IRAG1: variants seen among roughly 807,000 people sequenced by gnomAD.
The protein encoded by IRAG1 is inositol 1,4,5-triphosphate receptor associated 1.
IRAG1 carries 62 observed loss-of-function variants against 106.2 expected under a neutral mutation model. That is an observed-to-expected ratio of 0.58 (90% CI 0.48 to 0.72). IRAG1 has a LOEUF of 0.72. Among genes scored for constraint, IRAG1 ranks in the 30% least tolerant of loss-of-function variants. The pLI, the probability that IRAG1 is intolerant of heterozygous loss-of-function variation, is 0.00. For missense variants in IRAG1, 1,064 were observed against 1,140.7 expected, an observed-to-expected ratio of 0.93 and a Z score of 0.97; for synonymous variants, 462 against 443.9, an observed-to-expected ratio of 1.04 and a Z score of -0.51.
At chr11:10,587,417 C>G (rs1242787061) in intron 18 of IRAG1, among the ~76,000 whole-genome samples, 1 of 152,072 alleles carries the variant, frequency 6.6e-6, no homozygotes, top group Non-Finnish European at 1.5e-5. Flanking sequence ...TTCCTTACTC[C>G]GTGTTACTCA....
At chr11:10,615,097 C>A (rs1855291916) in intron 10 of IRAG1, among the ~76,000 whole-genome samples, 2 of 152,148 alleles carry the variant, frequency 1.3e-5, no homozygotes, top group Admixed American at 1.3e-4. Context: ...AGGAAAAAAA[C>A]AACCCCATCA....
chr11:10,653,906 C>T (rs1438155657), intron 1 of IRAG1, among the ~76,000 whole-genome samples: 1 of 152,182 alleles, frequency 6.6e-6, no homozygotes, highest in Non-Finnish European at 1.5e-5. Context: ...GGTTCTGCAA[C>T]TTTTAGAGAT....
intron 1 of IRAG1, among the ~76,000 whole-genome samples, chr11:10,689,218 C>T (rs1861879663): frequency 6.6e-6 from 1 of 151,946 alleles, no homozygotes; most frequent in African/African-American, 2.4e-5. Flanking sequence ...GGGAAACAAA[C>T]AGAAAGATGG....
rs1263721831 is a variant in IRAG1, at chr11:10,593,572, C to A, written c.2095G>T (p.Ala699Ser). ...KNMPRRRVSV[A>S]VVPKFNALNL... ...AGGGCATTAAACTTAGGAACCACAG[C>A]AACGCTGACCCTCCGGCGAGGCATA... The change falls in exon 17 of 21, where the codon GCT (alanine) becomes TCT (serine). Residue 699 changes from alanine (A) to serine (S), a missense_variant. Physicochemically the swap from Ala to Ser is moderately conservative, Grantham distance 99 (BLOSUM62 1). Coordinates refer to ENST00000423302, the MANE Select transcript of IRAG1 (RefSeq NM_130385.4). 2 of 1,613,704 alleles carry A rather than the reference C, an allele frequency of 1.2e-6. No individual in the cohort carries two copies.
At chr11:10,602,987 A>G (rs1854161416) in intron 14 of IRAG1, 133 bp downstream of exon 14, 11 of 1,005,168 alleles carry the variant, frequency 1.1e-5, no homozygotes, top group Non-Finnish European at 1.4e-5. Context: ...TAATACTGCA[A>G]TGATGTGCAT....
chr11:10,605,746 T>C lies in IRAG1; in HGVS notation c.1602+996A>G, dbSNP rs545278516. On this transcript the variant is annotated intron_variant, in intron 12 of 20. Coordinates refer to ENST00000423302, the MANE Select transcript of IRAG1 (RefSeq NM_130385.4). ...CATGGCCCATCTTCACAAATGTCAG[T>C]GGGTAGGCTTAGAGCTCATAGCCCA... Among the ~76,000 whole-genome samples the C allele has an allele frequency of 5.9e-5, 9 of 152,322 alleles. No individual in the cohort carries two copies. In the South Asian group the frequency reaches 1.9e-3, roughly 32 times the overall value.
intron 1 of IRAG1, among the ~76,000 whole-genome samples, chr11:10,685,456 G>GT (rs1172449352): frequency 4.0e-5 from 6 of 150,470 alleles, no homozygotes; most frequent in Admixed American, 4.0e-4. Flanking sequence ...GTATACTTTA[G>GT]TAATCTCAGT....
rs375771717 is a variant in IRAG1, at chr11:10,659,231, G to C, written c.68-7049C>G. ...GCCAGCCACAGTGTCTGGCCAAGTAGGTATTTGTGCTGTGCTGAACAAGTG... is the reference window on the plus strand; with the variant it reads ...GCCAGCCACAGTGTCTGGCCAAGTACGTATTTGTGCTGTGCTGAACAAGTG... On this transcript the variant is annotated intron_variant, in intron 1 of 20. Coordinates refer to ENST00000423302, the MANE Select transcript of IRAG1 (RefSeq NM_130385.4). The surrounding 1 kb of genome is among the most constrained non-coding windows in gnomAD (Gnocchi z 4.1). Among the ~76,000 whole-genome samples, 17 of 152,278 alleles carry C rather than the reference G, an allele frequency of 1.1e-4. No homozygotes were observed. The East Asian group carries it at 3.3e-3, about 29-fold the overall frequency.
At chr11:10,612,041 C>A (rs557366032) in intron 10 of IRAG1, among the ~76,000 whole-genome samples, 1 of 152,134 alleles carries the variant, frequency 6.6e-6, no homozygotes, top group Non-Finnish European at 1.5e-5. Flanking sequence ...GGAAGACTAA[C>A]GGTAAAGTAA....
chr11:10,626,401 G>A lies in IRAG1; in HGVS notation c.933C>T (p.Asn311=), dbSNP rs748844143. Residue 311 remains asparagine, a synonymous_variant, in exon 9 of 21, where the codon AAC becomes AAT. Transcript: ENST00000423302. ...TTPKGLAPVT[N]SSGKMALNSP... ...TGTTCAGGGCCATTTTCCCACTGCT[G>A]TTTGTAACAGGAGCTAGGCCTTTGG... The A allele has an allele frequency of 9.3e-6, 15 of 1,613,860 alleles. No homozygotes were observed. The highest frequency in any genetic ancestry group is 1.6e-4 in the Middle Eastern group (1 of 6,084).
rs766356591 is a variant in IRAG1, at chr11:10,626,234, C to T, written c.1100G>A (p.Gly367Glu). 2 of 1,601,582 alleles carry T rather than the reference C, an allele frequency of 1.2e-6. No individual in the cohort carries two copies. The highest frequency in any genetic ancestry group is 2.7e-5 in the African/African-American group (2 of 74,658). ...GCCAGCCTCGGGCCCCATCGGCTCT[C>T]CAGCTGGGCCTCTCCCCTGGGAGGC... Reference protein sequence around the residue: ...PPASQGRGPAGEPMGPEAGSK... With the variant: ...PPASQGRGPAEEPMGPEAGSK... The change falls in exon 9 of 21, where the codon GGA (glycine) becomes GAA (glutamate). Residue 367 changes from glycine to glutamate, a missense_variant. By Grantham distance (98) the Gly-to-Glu change is moderately conservative (BLOSUM62 -2). Transcript: ENST00000423302.
chr11:10,659,187 G>A lies in IRAG1; in HGVS notation c.68-7005C>T, dbSNP rs1859201429. ...CAGGTGAGACATGAGGCCTAGTGTGGAATCCCTCCTGGAAGAGAGCCAGCC... is the reference window on the plus strand; with the variant it reads ...CAGGTGAGACATGAGGCCTAGTGTGAAATCCCTCCTGGAAGAGAGCCAGCC... On this transcript the variant is annotated intron_variant, in intron 1 of 20. Transcript: ENST00000423302. This position sits in a 1 kb window ranked among gnomAD's most constrained non-coding sequence, Gnocchi z 4.1. Among the ~76,000 whole-genome samples, 2 of 152,210 alleles carry A rather than the reference G, an allele frequency of 1.3e-5. No individual in the cohort carries two copies. The highest frequency in any genetic ancestry group is 2.4e-5 in the African/African-American group (1 of 41,454).
chr11:10,602,231 G>A (rs972428355), intron 14 of IRAG1, among the ~76,000 whole-genome samples: 3 of 152,232 alleles, frequency 2.0e-5, no homozygotes, highest in Non-Finnish European at 4.4e-5. Context: ...TTATTTAATA[G>A]GAACTGCTCA....
chr11:10,612,396 C>T (rs1362382681), intron 10 of IRAG1, among the ~76,000 whole-genome samples: 3 of 152,116 alleles, frequency 2.0e-5, no homozygotes, highest in Non-Finnish European at 4.4e-5. Flanking sequence ...ACCAATTCTA[C>T]AAACAGCTCT....
At chr11:10,608,287 G>C (rs1280242993) in intron 11 of IRAG1, among the ~76,000 whole-genome samples, 1 of 151,996 alleles carries the variant, frequency 6.6e-6, no homozygotes, top group Non-Finnish European at 1.5e-5. Context: ...ACTATACCTG[G>C]CTAATTTTTT....
At position 10,629,723 on chromosome 11, in the gene IRAG1, G is replaced by T. The variant is rs778228156; in HGVS notation, c.401-12C>A. 3.1e-6 allele frequency: 5 copies of T among 1,611,086 alleles called. No homozygotes were observed. The highest frequency in any genetic ancestry group is 3.4e-6 in the Non-Finnish European group (4 of 1,178,498). ...GTGCCCCGCGGGGTCTGCAGAAGGAGGATGAGCTGGGGTGAGAGCCACTGC... is the reference window on the plus strand; with the variant it reads ...GTGCCCCGCGGGGTCTGCAGAAGGATGATGAGCTGGGGTGAGAGCCACTGC... On this transcript the variant is annotated splice_polypyrimidine_tract_variant and intron_variant, in intron 4 of 20. Coordinates refer to ENST00000423302, the MANE Select transcript of IRAG1 (RefSeq NM_130385.4).
intron 1 of IRAG1, among the ~76,000 whole-genome samples, chr11:10,667,129 GT>G (rs113491871): frequency 0.24 from 35,125 of 149,308 alleles, 5,237 homozygotes; most frequent in East Asian, 0.81. Flanking sequence ...TAGAACAGAA[GT>G]TTTTTTTTTC....
At chr11:10,576,606 T>C (rs1242452629) in intron 20 of IRAG1, 31 bp from the exon 21 acceptor site, 14 of 1,612,694 alleles carry the variant, frequency 8.7e-6, no homozygotes, top group Non-Finnish European at 1.2e-5. Flanking sequence ...GCAGAGGCTT[T>C]AGTATACTGG....
rs181834629 is a variant in IRAG1 at position 10,611,273 on chromosome 11, C to T, written c.1448-1422G>A. Among the ~76,000 whole-genome samples, 197 of 152,280 alleles carry T rather than the reference C, an allele frequency of 1.3e-3. 2 individuals are homozygous for T. The East Asian group carries it at 0.018, about 14-fold the overall frequency. ...AAGTTCTCTTAGCTACCTGTTACCT[C>T]TCTGGTTCTGTCCTGGTATTTATAG... On this transcript the variant is annotated intron_variant, in intron 10 of 20. Transcript: ENST00000423302.
Sources: gnomAD v4.1 joint callset for allele counts (sites outside exome capture counted in the v4.1 genomes callset) on GRCh38, gnomAD v4.1.1 for gene constraint, Gnocchi (gnomAD v3.1) non-coding constraint, MANE v1.5 for transcripts, NCBI Gene and HGNC (gene_info 2026-07-23, HGNC 2026-07-21) for gene names.